LRP5: variants seen among roughly 807,000 people sequenced by gnomAD.
The protein encoded by LRP5 is low-density lipoprotein receptor-related protein 5.
LRP5 carries 62 observed loss-of-function variants against 154.1 expected under a neutral mutation model. That is an observed-to-expected ratio of 0.40 (90% CI 0.33 to 0.50). The LOEUF (loss-of-function observed/expected upper bound fraction) is 0.50. Among genes scored for constraint, LRP5 ranks in the 20% least tolerant of loss-of-function variants. The pLI is 0.55. For missense variants in LRP5, 1,915 were observed against 2,336.7 expected (o/e 0.82, Z 3.72); for synonymous variants, 966 against 1,011.5 (o/e 0.96, Z 0.85).
At chr11:68,350,891 CGTGT>C (rs140197409) in intron 2 of LRP5, among the ~76,000 whole-genome samples, 4 of 150,768 alleles carry the variant, frequency 2.7e-5, no homozygotes, top group Admixed American at 6.6e-5. Context: ...AGGATGTGAG[CGTGT>C]GTGTGTGTGT....
At chr11:68,424,511 G>A (rs867815133) in intron 14 of LRP5, among the ~76,000 whole-genome samples, 18 of 152,334 alleles carry the variant, frequency 1.2e-4, no homozygotes, top group Admixed American at 6.5e-4. Context: ...GGAGCCAGCC[G>A]AGCTGGTCTC....
chr11:68,402,641 A>C (rs1250900461), intron 7 of LRP5, among the ~76,000 whole-genome samples: 2 of 151,770 alleles, frequency 1.3e-5, no homozygotes, highest in Non-Finnish European at 2.9e-5. Flanking sequence ...CCAGGTCCTT[A>C]TATTTGCTCC....
intron 1 of LRP5, among the ~76,000 whole-genome samples, chr11:68,325,796 TCA>T (rs1001865324): frequency 3.3e-5 from 5 of 152,214 alleles, no homozygotes; most frequent in Admixed American, 2.0e-4. Flanking sequence ...GCTTCAGAGC[TCA>T]GTTTCCCCAT....
At chr11:68,346,082 A>G (rs1404542180) in intron 1 of LRP5, among the ~76,000 whole-genome samples, 2 of 152,060 alleles carry the variant, frequency 1.3e-5, no homozygotes, top group African/African-American at 4.8e-5. Context: ...CTCTTAGTAG[A>G]TCTATGATTT....
chr11:68,401,855 G>T (rs1317764141), intron 7 of LRP5, among the ~76,000 whole-genome samples: 1 of 150,942 alleles, frequency 6.6e-6, no homozygotes, highest in Non-Finnish European at 1.5e-5. Context: ...TGCCCAGCTC[G>T]TTTTTTTTTG....
chr11:68,434,333 GC>G (rs1375969066), intron 18 of LRP5, among the ~76,000 whole-genome samples: 2 of 150,546 alleles, frequency 1.3e-5, no homozygotes. Context: ...TCTCTTCTGT[GC>G]CCCCTGTGAG....
At chr11:68,318,647 G>A (rs2098594899) in intron 1 of LRP5, among the ~76,000 whole-genome samples, 1 of 152,154 alleles carries the variant, frequency 6.6e-6, no homozygotes, top group African/African-American at 2.4e-5. Flanking sequence ...CCTTAATGTA[G>A]TTTTTCTTGT....
At position 68,426,242 on chromosome 11, in the gene LRP5, G is replaced by C. The variant is rs1305768160; in HGVS notation, c.3637+55G>C. On this transcript the variant is annotated intron_variant, in intron 16 of 22. Transcript: ENST00000294304. ...GGGTGGCCTCTAAACCCGACCCCTGGAGGAGGCTGGAGGCCAGTGCAAGAT... is the reference window on the plus strand; with the variant it reads ...GGGTGGCCTCTAAACCCGACCCCTGCAGGAGGCTGGAGGCCAGTGCAAGAT... The C allele has an allele frequency of 6.8e-6, 10 of 1,466,164 alleles. No homozygotes were observed. The Admixed American group carries it at 1.8e-4, about 26-fold the overall frequency. 90.8% of individuals were successfully genotyped at this position (1,466,164 alleles called of 1,614,324 possible).
chr11:68,416,594 T>C, intron 13 of LRP5, 67 bp downstream of exon 13: 1 of 1,471,668 alleles, frequency 6.8e-7, no homozygotes. Flanking sequence ...GTTTCCAGGC[T>C]GCTGCCCCTG....
At chr11:68,419,985 T>C (rs1358008814) in intron 13 of LRP5, among the ~76,000 whole-genome samples, 1 of 151,752 alleles carries the variant, frequency 6.6e-6, no homozygotes, top group Admixed American at 6.6e-5. Flanking sequence ...TAGAGACAGA[T>C]TTCACCATGT....
At chr11:68,320,599 C>CT (rs963253825) in intron 1 of LRP5, among the ~76,000 whole-genome samples, 4 of 152,002 alleles carry the variant, frequency 2.6e-5, no homozygotes, top group African/African-American at 7.2e-5. Context: ...GTAGCTGGGA[C>CT]TACAGGCATG....
rs1591342425 is a variant in LRP5 at position 68,449,095 on chromosome 11, T to C, written c.*25T>C. 2.7e-6 allele frequency: 4 copies of C among 1,508,580 alleles called. No individual in the cohort carries two copies. The highest frequency in any genetic ancestry group is 2.6e-6 in the Non-Finnish European group (3 of 1,132,914). The allele number at this position is 1,508,580 out of a possible 1,614,324, so 93.4% of individuals were successfully genotyped here. On this transcript the variant is annotated 3_prime_UTR_variant, in exon 23 of 23. Coordinates refer to ENST00000294304, the MANE Select transcript of LRP5 (RefSeq NM_002335.4). The stretch of plus-strand genomic sequence containing the variant: ...ACCTCGGCCGGGCCACTCTGGCTTC[T>C]CTGTGCCCCTGTAAATAGTTTTAAA...
intron 3 of LRP5, among the ~76,000 whole-genome samples, 197 bp from the exon 4 acceptor site, chr11:68,363,550 G>T (rs946622009): frequency 6.6e-6 from 1 of 151,962 alleles, no homozygotes; most frequent in African/African-American, 2.4e-5. Context: ...CCAGCTACTC[G>T]GGAGGCTGAG....
intron 5 of LRP5, among the ~76,000 whole-genome samples, chr11:68,375,840 G>A (rs1218371505): frequency 1.3e-5 from 2 of 152,252 alleles, no homozygotes; most frequent in Non-Finnish European, 2.9e-5. Context: ...CCTCTGCTGT[G>A]TGGCTGTGAA....
chr11:68,408,221 A>G (rs918545629), intron 9 of LRP5, among the ~76,000 whole-genome samples: 30 of 145,652 alleles, frequency 2.1e-4, no homozygotes, highest in African/African-American at 7.1e-4. Flanking sequence ...GACTACAGGC[A>G]CACACCACCA....
intron 13 of LRP5, among the ~76,000 whole-genome samples, chr11:68,421,701 TGTGTGTGTGTGTGTGTGTGTGTG>T (rs1472384239): frequency 1.3e-4 from 20 of 149,766 alleles, no homozygotes; most frequent in African/African-American, 4.4e-4. Context: ...TGTGTGTGTG[TGTGTGTGTGTGTGTGTGTGTGTG>T]GTGTGTGTGT....
chr11:68,374,612 C>T (rs2098636309), intron 5 of LRP5, among the ~76,000 whole-genome samples: 1 of 152,186 alleles, frequency 6.6e-6, no homozygotes, highest in Non-Finnish European at 1.5e-5. Context: ...GTCTGCATAA[C>T]TACCACACGG....
At chr11:68,402,242 A>G (rs2098652992) in intron 7 of LRP5, among the ~76,000 whole-genome samples, 1 of 152,164 alleles carries the variant, frequency 6.6e-6, no homozygotes, top group South Asian at 2.1e-4. Flanking sequence ...CTTCCTGTTA[A>G]CATACAGTTC....
chr11:68,443,585 A>ATATATTTT (rs1259673892), intron 21 of LRP5, among the ~76,000 whole-genome samples: 7 of 24,842 alleles, frequency 2.8e-4, no homozygotes, highest in Admixed American at 1.5e-3. Flanking sequence ...ATATATATAT[A>ATATATTTT]TTTTTTTTTT....
Sources: gnomAD v4.1 joint callset for allele counts (sites outside exome capture counted in the v4.1 genomes callset) on GRCh38, gnomAD v4.1.1 for gene constraint, MANE v1.5 for transcripts, NCBI Gene and HGNC (gene_info 2026-07-23, HGNC 2026-07-21) for gene names.